GRM1: variants seen among roughly 807,000 people sequenced by gnomAD.
The protein encoded by GRM1 is glutamate metabotropic receptor 1, also known as metabotropic glutamate receptor 1.
A neutral mutation model predicts 90.9 loss-of-function variants in GRM1; 33 were observed. The observed-to-expected ratio is 0.36, with a 90% confidence interval of 0.28 to 0.49. The LOEUF (loss-of-function observed/expected upper bound fraction) is 0.49. Ranked by LOEUF, GRM1 falls within the 20% of genes least tolerant of loss-of-function variation. GRM1 has a pLI of 0.99. For missense variants in GRM1, 1,190 were observed against 1,534.3 expected (o/e 0.78, Z 3.75); for synonymous variants, 700 against 613.2 (o/e 1.14, Z -2.09).
chr6:146,314,560 T>A (rs1288278425), intron 3 of GRM1, among the ~76,000 whole-genome samples: 1 of 152,214 alleles, frequency 6.6e-6, no homozygotes, highest in Non-Finnish European at 1.5e-5. Flanking sequence ...GGCTGCATCA[T>A]GTGGTAAGTG....
intron 7 of GRM1, among the ~76,000 whole-genome samples, chr6:146,408,645 GC>G (rs1777444732): frequency 6.6e-6 from 1 of 152,140 alleles, no homozygotes; most frequent in Non-Finnish European, 1.5e-5. Flanking sequence ...ATATGCCTTA[GC>G]CTTATGCATT....
At chr6:146,238,432 G>C (rs982012932) in intron 2 of GRM1, among the ~76,000 whole-genome samples, 4 of 152,132 alleles carry the variant, frequency 2.6e-5, no homozygotes, top group African/African-American at 9.7e-5. Flanking sequence ...TAGTAGAGGA[G>C]CTGCCTCCCT....
At chr6:146,402,753 A>T (rs1777203855) in intron 7 of GRM1, among the ~76,000 whole-genome samples, 1 of 152,162 alleles carries the variant, frequency 6.6e-6, no homozygotes, top group Non-Finnish European at 1.5e-5. Flanking sequence ...GCTGTTTCTG[A>T]GATACGTGGT....
At chr6:146,420,557 A>G (rs1349803808) in intron 7 of GRM1, among the ~76,000 whole-genome samples, 1 of 152,208 alleles carries the variant, frequency 6.6e-6, no homozygotes, top group African/African-American at 2.4e-5. Context: ...TAGGGCCTCT[A>G]CATAATCTTA....
At chr6:146,287,096 A>T (rs754128308) in intron 2 of GRM1, among the ~76,000 whole-genome samples, 10 of 152,206 alleles carry the variant, frequency 6.6e-5, no homozygotes, top group Non-Finnish European at 1.3e-4. Context: ...TTGCTCGAAT[A>T]ATCTGTAGAG....
intron 2 of GRM1, among the ~76,000 whole-genome samples, chr6:146,250,457 G>A (rs1023373069): frequency 2.0e-5 from 3 of 152,090 alleles, no homozygotes; most frequent in African/African-American, 7.2e-5. Context: ...TAAATGTCTG[G>A]TGCTTCCCCA....
chr6:146,121,403 A>T (rs1775985343), intron 1 of GRM1, among the ~76,000 whole-genome samples: 2 of 152,032 alleles, frequency 1.3e-5, no homozygotes, highest in South Asian at 4.2e-4. Context: ...GGATTCATTG[A>T]TTTTTTGAAG....
intron 3 of GRM1, among the ~76,000 whole-genome samples, chr6:146,308,975 C>A (rs1783683325): frequency 6.6e-6 from 1 of 152,020 alleles, no homozygotes; most frequent in Admixed American, 6.6e-5. Context: ...TTTGCTTATT[C>A]ACAATTTTCA....
intron 1 of GRM1, among the ~76,000 whole-genome samples, chr6:146,046,177 A>G (rs924586376): frequency 3.3e-5 from 5 of 152,120 alleles, no homozygotes; most frequent in Non-Finnish European, 7.4e-5. Context: ...TGGAAACTGT[A>G]TACTTTTATA....
intron 1 of GRM1, among the ~76,000 whole-genome samples, chr6:146,075,568 G>A (rs1239461848): frequency 6.6e-6 from 1 of 152,166 alleles, no homozygotes; most frequent in Non-Finnish European, 1.5e-5. Context: ...CTGCATAAAG[G>A]ACTGAAAGTG....
intron 5 of GRM1, among the ~76,000 whole-genome samples, chr6:146,377,194 T>C (rs1034816537): frequency 2.6e-5 from 4 of 152,124 alleles, no homozygotes; most frequent in Non-Finnish European, 5.9e-5. Flanking sequence ...AGTGGGGGAC[T>C]GCTGTAAAGA....
chr6:146,333,245 C>T (rs759164251), intron 3 of GRM1, among the ~76,000 whole-genome samples: 5 of 152,154 alleles, frequency 3.3e-5, no homozygotes, highest in Non-Finnish European at 7.3e-5. Context: ...CCATTACTGA[C>T]ATGGGTACTC....
chr6:146,102,978 C>T (rs983736065), intron 1 of GRM1, among the ~76,000 whole-genome samples: 1 of 152,072 alleles, frequency 6.6e-6, no homozygotes, highest in African/African-American at 2.4e-5. Flanking sequence ...TTTGGGGATA[C>T]CTCAGTTTTT....
chr6:146,218,202 A>G (rs549316358), intron 2 of GRM1, among the ~76,000 whole-genome samples: 1 of 152,260 alleles, frequency 6.6e-6, no homozygotes, highest in South Asian at 2.1e-4. Flanking sequence ...AAGGGTTGTG[A>G]AAAACTTAGC....
chr6:146,029,498 T>C lies in GRM1; in HGVS notation c.-20T>C. ...GCGTGGGAACGCGGCTGGCAGGCTG[T>C]GGACCTCGTCCTCACCACCATGGTC... On this transcript the variant is annotated 5_prime_UTR_variant, in exon 1 of 8. Coordinates refer to ENST00000282753, the MANE Select transcript of GRM1 (RefSeq NM_001278064.2). The C allele has an allele frequency of 6.3e-7, 1 of 1,591,696 alleles. No individual in the cohort carries two copies.
chr6:146,418,659 A>G (rs1777873238), intron 7 of GRM1, among the ~76,000 whole-genome samples: 1 of 151,900 alleles, frequency 6.6e-6, no homozygotes, highest in Non-Finnish European at 1.5e-5. Context: ...TGCTTTTGCT[A>G]TCCCTTCAAT....
At chr6:146,097,607 A>C (rs544297887) in intron 1 of GRM1, among the ~76,000 whole-genome samples, 6 of 152,214 alleles carry the variant, frequency 3.9e-5, no homozygotes, top group Admixed American at 6.5e-5. Flanking sequence ...GTTGGGTTCC[A>C]AATTACCTAT....
At chr6:146,149,287 A>C (rs576709488) in intron 1 of GRM1, among the ~76,000 whole-genome samples, 2 of 152,210 alleles carry the variant, frequency 1.3e-5, no homozygotes, top group African/African-American at 4.8e-5. Flanking sequence ...TGTGGCAGAA[A>C]GTCATGGACA....
chr6:146,431,581 TTTGTTGTTG>T (rs1047872615), intron 7 of GRM1, among the ~76,000 whole-genome samples: 1 of 147,678 alleles, frequency 6.8e-6, no homozygotes. Flanking sequence ...AAGGGACCTG[TTTGTTGTTG>T]TTGTTGTTGT....
Sources: allele counts gnomAD v4.1 joint callset (sites outside exome capture counted in the v4.1 genomes callset), GRCh38; gene constraint gnomAD v4.1.1; transcripts MANE v1.5; gene names NCBI Gene and HGNC (gene_info 2026-07-23, HGNC 2026-07-21).